The following ROBO2 variants were observed in gnomAD, a reference collection of about 807,000 sequenced individuals.
ROBO2 encodes the protein roundabout homolog 2.
ROBO2 carries 53 observed loss-of-function variants against 160.8 expected under a neutral mutation model. The ratio of observed to expected loss-of-function variants is 0.33; its 90% CI spans 0.26 to 0.41. The LOEUF is 0.41. Ranked by LOEUF, ROBO2 falls within the 10% of genes least tolerant of loss-of-function variation. The pLI, the probability that ROBO2 is intolerant of heterozygous loss-of-function variation, is 1.00. For synonymous variants in ROBO2, 664 were observed against 611.7 expected (o/e 1.09, Z -1.26); for missense variants, 1,577 against 1,722.4 (o/e 0.92, Z 1.49).
chr3:77,423,090 A>G (rs2077858551), intron 2 of ROBO2, among the ~76,000 whole-genome samples: 1 of 152,154 alleles, frequency 6.6e-6, no homozygotes, highest in Non-Finnish European at 1.5e-5. Flanking sequence ...AATATAAATA[A>G]CTATTTTTTC....
intron 2 of ROBO2, among the ~76,000 whole-genome samples, chr3:76,956,178 T>C (rs1050405126): frequency 6.6e-6 from 1 of 152,146 alleles, no homozygotes; most frequent in Non-Finnish European, 1.5e-5. Flanking sequence ...CTACTTGAGA[T>C]CAAAAGTAAA....
At chr3:77,108,256 A>ATATG (rs1041106497) in intron 2 of ROBO2, among the ~76,000 whole-genome samples, 2 of 121,572 alleles carry the variant, frequency 1.6e-5, no homozygotes, top group Admixed American at 8.6e-5. Context: ...ATATGCATAT[A>ATATG]TATGTATACA....
chr3:77,170,595 CAT>C (rs2079541359), intron 2 of ROBO2, among the ~76,000 whole-genome samples: 1 of 151,984 alleles, frequency 6.6e-6, no homozygotes, highest in Admixed American at 6.6e-5. Context: ...ATTGGAGAAA[CAT>C]ATGTGACTCA....
intron 1 of ROBO2, among the ~76,000 whole-genome samples, chr3:77,057,695 C>G (rs1178802862): frequency 6.6e-6 from 1 of 150,538 alleles, no homozygotes; most frequent in Non-Finnish European, 1.5e-5. Flanking sequence ...TTCAGCCTCC[C>G]GAGTAGCTGG....
intron 2 of ROBO2, among the ~76,000 whole-genome samples, chr3:76,585,400 T>C (rs1183659549): frequency 6.6e-6 from 1 of 152,164 alleles, no homozygotes; most frequent in Non-Finnish European, 1.5e-5. Context: ...CAATGTGAAG[T>C]TTTCTTCTAA....
At chr3:77,602,661 G>A (rs866870922) in intron 20 of ROBO2, among the ~76,000 whole-genome samples, 170 bp downstream of exon 21, 13 of 128,242 alleles carry the variant, frequency 1.0e-4, no homozygotes, top group African/African-American at 2.9e-4. Flanking sequence ...CACCACCACC[G>A]CCACCACCAC....
At chr3:77,643,232 T>C (rs992025170) in intron 24 of ROBO2, among the ~76,000 whole-genome samples, 16 of 152,226 alleles carry the variant, frequency 1.1e-4, no homozygotes, top group African/African-American at 3.4e-4. Context: ...ATGTTTATAT[T>C]GAGTACTTTA....
chr3:76,090,335 G>A (rs548421922), intron 2 of ROBO2, among the ~76,000 whole-genome samples: 3 of 152,034 alleles, frequency 2.0e-5, no homozygotes, highest in African/African-American at 7.2e-5. Flanking sequence ...CCAGCTGCTC[G>A]GGAGGCTAAG....
At chr3:76,331,016 ATGT>A (rs1431448398) in intron 2 of ROBO2, among the ~76,000 whole-genome samples, 1 of 152,204 alleles carries the variant, frequency 6.6e-6, no homozygotes, top group Non-Finnish European at 1.5e-5. Flanking sequence ...TATGAATCAA[ATGT>A]TGTTTATAGT....
exon 2 of ROBO2, chr3:77,098,214 G>A (rs766197914): frequency 6.2e-7 from 1 of 1,614,152 alleles, no homozygotes; most frequent in South Asian, 1.1e-5. Context: ...TCTGCCCAGC[G>A]GATCCTTATT....
chr3:77,256,427 A>G (rs1171497121), intron 2 of ROBO2, among the ~76,000 whole-genome samples: 2 of 152,218 alleles, frequency 1.3e-5, no homozygotes, highest in Non-Finnish European at 2.9e-5. Flanking sequence ...TTTATGCACA[A>G]TGAAGATAAC....
intron 2 of ROBO2, among the ~76,000 whole-genome samples, chr3:76,386,171 A>G (rs1348633536): frequency 6.6e-6 from 1 of 152,188 alleles, no homozygotes; most frequent in Admixed American, 6.5e-5. Context: ...TGATTTTAAC[A>G]TACATATTTC....
chr3:77,065,172 G>A (rs2066712702), intron 1 of ROBO2, among the ~76,000 whole-genome samples: 1 of 152,124 alleles, frequency 6.6e-6, no homozygotes. Flanking sequence ...CTTTTCCCAA[G>A]GAGCTTCAAG....
At chr3:76,089,217 C>T (rs904071860) in intron 2 of ROBO2, among the ~76,000 whole-genome samples, 1 of 151,748 alleles carries the variant, frequency 6.6e-6, no homozygotes, top group Non-Finnish European at 1.5e-5. Flanking sequence ...TAGAAAATAC[C>T]AGACCCAGAT....
intron 2 of ROBO2, among the ~76,000 whole-genome samples, chr3:76,066,493 C>T (rs1428265590): frequency 6.6e-6 from 1 of 151,874 alleles, no homozygotes; most frequent in African/African-American, 2.4e-5. Flanking sequence ...ATACCATAGA[C>T]ATAAGACTAA....
chr3:77,216,986 C>A (rs759799706), intron 2 of ROBO2, among the ~76,000 whole-genome samples: 7 of 151,984 alleles, frequency 4.6e-5, no homozygotes, highest in African/African-American at 1.7e-4. Context: ...TTCAAGACAC[C>A]AAGTAATTGA....
At chr3:77,327,112 C>G (rs1470209427) in intron 2 of ROBO2, among the ~76,000 whole-genome samples, 1 of 152,138 alleles carries the variant, frequency 6.6e-6, no homozygotes, top group African/African-American at 2.4e-5. Context: ...TAGAATTTAT[C>G]ATAGAAATGT....
At chr3:77,192,322 A>G (rs1279203177) in intron 2 of ROBO2, among the ~76,000 whole-genome samples, 2 of 152,120 alleles carry the variant, frequency 1.3e-5, no homozygotes, top group African/African-American at 2.4e-5. Context: ...TTAAAATGTA[A>G]TTCCTTCATT....
chr3:76,405,382 T>G (rs541174554), intron 2 of ROBO2, among the ~76,000 whole-genome samples: 2 of 151,644 alleles, frequency 1.3e-5, no homozygotes, highest in Non-Finnish European at 3.0e-5. Context: ...AGTGCATGAT[T>G]CATTCTAGAT....
Sources: allele counts gnomAD v4.1 joint callset (sites outside exome capture counted in the v4.1 genomes callset), GRCh38; gene constraint gnomAD v4.1.1; transcripts MANE v1.5; gene names NCBI Gene and HGNC (gene_info 2026-07-23, HGNC 2026-07-21).